The following DLGAP1 variants were observed in gnomAD, a reference collection of about 807,000 sequenced individuals.
DLGAP1 encodes the protein disks large-associated protein 1.
Under a neutral mutation model 90.8 loss-of-function variants are expected in DLGAP1, and 11 were observed. That is an observed-to-expected ratio of 0.12 (90% CI 0.08 to 0.20). The LOEUF is 0.20. DLGAP1 is among the 10% of genes least tolerant of loss of function. The pLI is 1.00. For missense variants in DLGAP1, 1,050 were observed against 1,333.8 expected (o/e 0.79, Z 3.31); for synonymous variants, 558 against 540.7 (o/e 1.03, Z -0.44).
intron 12 of DLGAP1, 36 bp downstream of exon 12, chr18:3,502,457 T>C: frequency 1.9e-6 from 3 of 1,613,464 alleles, no homozygotes; most frequent in Non-Finnish European, 2.5e-6. Flanking sequence ...TTGTGCAGGT[T>C]TTTAAATGAA....
chr18:4,396,544 CGT>C (rs2082445876), intron 1 of DLGAP1, among the ~76,000 whole-genome samples: 2 of 152,102 alleles, frequency 1.3e-5, no homozygotes, highest in South Asian at 4.2e-4. Context: ...GAAGGTTTCC[CGT>C]AGATAAACCA....
chr18:4,377,135 C>CAA (rs747191772), intron 1 of DLGAP1, among the ~76,000 whole-genome samples: 1 of 151,992 alleles, frequency 6.6e-6, no homozygotes, highest in Non-Finnish European at 1.5e-5. Context: ...CCCATTCTCA[C>CAA]ACACACACAT....
At chr18:3,741,912 G>A (rs564397602) in intron 6 of DLGAP1, among the ~76,000 whole-genome samples, 86 of 151,310 alleles carry the variant, frequency 5.7e-4, no homozygotes, top group Non-Finnish European at 1.1e-3. Context: ...ACGTGATCTC[G>A]GTTCACTGCA....
At chr18:3,749,658 T>C (rs1489230050) in intron 5 of DLGAP1, among the ~76,000 whole-genome samples, 2 of 152,330 alleles carry the variant, frequency 1.3e-5, no homozygotes, top group African/African-American at 4.8e-5. Context: ...AATCTATTTG[T>C]AGTCTAGAGA....
intron 3 of DLGAP1, among the ~76,000 whole-genome samples, chr18:3,934,404 A>G (rs1485826758): frequency 6.6e-6 from 1 of 152,152 alleles, no homozygotes; most frequent in African/African-American, 2.4e-5. Flanking sequence ...CCACTCACTC[A>G]ACAAATGTTT....
At chr18:4,045,648 A>C (rs941889691) in intron 2 of DLGAP1, among the ~76,000 whole-genome samples, 2 of 151,574 alleles carry the variant, frequency 1.3e-5, no homozygotes, top group Admixed American at 1.3e-4. Context: ...TTGCTATCAT[A>C]ATCATATTGC....
At chr18:3,633,387 G>A (rs928272586) in intron 7 of DLGAP1, among the ~76,000 whole-genome samples, 4 of 145,214 alleles carry the variant, frequency 2.8e-5, no homozygotes, top group Admixed American at 7.1e-5. Flanking sequence ...TGGTGACAGA[G>A]CTAGACTTCA....
chr18:4,321,104 A>C (rs2080675824), intron 1 of DLGAP1, among the ~76,000 whole-genome samples: 1 of 152,230 alleles, frequency 6.6e-6, no homozygotes, highest in Non-Finnish European at 1.5e-5. Flanking sequence ...AGGACTCTGC[A>C]GTCTCCTGCA....
At chr18:3,628,188 CT>C (rs71160904) in intron 7 of DLGAP1, among the ~76,000 whole-genome samples, 18,402 of 123,588 alleles carry the variant, frequency 0.15, 1,583 homozygotes, top group East Asian at 0.3. Flanking sequence ...GTGCTATATT[CT>C]TTTTTTTTTT....
rs926184312 is a variant in DLGAP1, at chr18:4,342,723, A to T, written c.-267+112283T>A. On this transcript the variant is annotated intron_variant, in intron 1 of 12. Coordinates refer to ENST00000315677, the MANE Select transcript of DLGAP1 (RefSeq NM_004746.4). The surrounding 1 kb of genome is among the most constrained non-coding windows in gnomAD (Gnocchi z 5.8). ...TTGAAAGATTTGACATATCATTCTT[A>T]TACCTGCTTGCTTACACAATTAAGT... Among the ~76,000 whole-genome samples the T allele has an allele frequency of 2.0e-5, 3 of 152,234 alleles. No individual in the cohort carries two copies. Among genetic ancestry groups the T allele is most frequent in the African/African-American group, 7.2e-5 (3 of 41,462 alleles).
At chr18:3,673,390 T>TTGCTCCCATTGGTTATCG (rs2060168452) in intron 7 of DLGAP1, among the ~76,000 whole-genome samples, 1 of 152,194 alleles carries the variant, frequency 6.6e-6, no homozygotes. Flanking sequence ...TACTAAAGCA[T>TTGCTCCCATTGGTTATCG]TGCTCCCATT....
intron 6 of DLGAP1, among the ~76,000 whole-genome samples, chr18:3,737,845 C>G (rs1024763151): frequency 6.7e-6 from 1 of 149,568 alleles, no homozygotes; most frequent in Non-Finnish European, 1.5e-5. Flanking sequence ...TCCCTCTTTG[C>G]AGACGACATG....
At chr18:4,041,091 C>T (rs1370604045) in intron 2 of DLGAP1, among the ~76,000 whole-genome samples, 1 of 152,108 alleles carries the variant, frequency 6.6e-6, no homozygotes, top group Non-Finnish European at 1.5e-5. Context: ...ACGCAGCACC[C>T]GAAGTGTTCC....
intron 7 of DLGAP1, among the ~76,000 whole-genome samples, chr18:3,698,607 T>C (rs577186055): frequency 3.3e-5 from 5 of 150,824 alleles, no homozygotes; most frequent in South Asian, 4.2e-4. Context: ...TTCTCTCTGA[T>C]GATTATGTGT....
chr18:3,670,290 C>T (rs2060042636), intron 7 of DLGAP1, among the ~76,000 whole-genome samples: 1 of 150,832 alleles, frequency 6.6e-6, no homozygotes, highest in Non-Finnish European at 1.5e-5. Flanking sequence ...CAAAATTATA[C>T]ATCCTGTGGG....
At chr18:4,254,689 AT>A (rs1568473780) in intron 1 of DLGAP1, among the ~76,000 whole-genome samples, 1 of 152,150 alleles carries the variant, frequency 6.6e-6, no homozygotes, top group African/African-American at 2.4e-5. Flanking sequence ...GTTCTGGTTT[AT>A]GAAAATTGGA....
At chr18:4,349,887 G>A (rs1318820583) in intron 1 of DLGAP1, among the ~76,000 whole-genome samples, 4 of 152,114 alleles carry the variant, frequency 2.6e-5, no homozygotes, top group African/African-American at 9.7e-5. Context: ...TCACCAAGCT[G>A]TACACTTAAG....
chr18:4,080,890 CT>C (rs71160939), intron 2 of DLGAP1, among the ~76,000 whole-genome samples: 216 of 145,554 alleles, frequency 1.5e-3, no homozygotes, highest in East Asian at 5.4e-3. Context: ...TTTGAATGCC[CT>C]TTTTTTTTTT....
intron 2 of DLGAP1, among the ~76,000 whole-genome samples, chr18:4,063,409 A>G (rs1414164284): frequency 6.6e-6 from 1 of 152,150 alleles, no homozygotes; most frequent in African/African-American, 2.4e-5. Context: ...TATAAGATAC[A>G]GAAGAGAGGA....
Sources: allele counts gnomAD v4.1 joint callset (sites outside exome capture counted in the v4.1 genomes callset), GRCh38; gene constraint gnomAD v4.1.1; non-coding constraint Gnocchi (gnomAD v3.1); transcripts MANE v1.5; gene names NCBI Gene and HGNC (gene_info 2026-07-23, HGNC 2026-07-21).